GAP43: variants seen among roughly 807,000 people sequenced by gnomAD.
GAP43 encodes the protein neuromodulin.
Under a neutral mutation model 18.6 loss-of-function variants are expected in GAP43, and 6 were observed. That is an observed-to-expected ratio of 0.32 (90% CI 0.18 to 0.64). The LOEUF is 0.64. Among genes scored for constraint, GAP43 ranks in the 30% least tolerant of loss-of-function variants. The probability of loss-of-function intolerance (pLI) is 0.78; values close to 1 mark genes in which losing one functional copy is unlikely to be tolerated. For missense variants in GAP43, 292 were observed against 295.5 expected, an observed-to-expected ratio of 0.99 and a Z score of 0.09; for synonymous variants, 115 against 111.4, an observed-to-expected ratio of 1.03 and a Z score of -0.20.
intron 2 of GAP43, among the ~76,000 whole-genome samples, chr3:115,708,092 A>G (rs1709387964): frequency 6.6e-6 from 1 of 152,202 alleles, no homozygotes; most frequent in Non-Finnish European, 1.5e-5. Context: ...GGTACTTGGT[A>G]TTCACTGGTG....
At chr3:115,705,170 A>C (rs1227953112) in intron 2 of GAP43, among the ~76,000 whole-genome samples, 2 of 152,204 alleles carry the variant, frequency 1.3e-5, no homozygotes, top group African/African-American at 2.4e-5. Flanking sequence ...ATGACTCATA[A>C]ATGCAGTGCT....
intron 2 of GAP43, among the ~76,000 whole-genome samples, chr3:115,689,149 T>A (rs188348536): frequency 6.6e-6 from 1 of 152,198 alleles, no homozygotes; most frequent in East Asian, 1.9e-4. Context: ...CTCAGACAAG[T>A]CTTCCCTGAC....
At chr3:115,691,584 G>A (rs1709110791) in intron 2 of GAP43, among the ~76,000 whole-genome samples, 1 of 152,116 alleles carries the variant, frequency 6.6e-6, no homozygotes, top group Non-Finnish European at 1.5e-5. Flanking sequence ...AAGCTATTGG[G>A]GAACTTTCTT....
chr3:115,659,381 C>T (rs939256213), intron 1 of GAP43, among the ~76,000 whole-genome samples: 13 of 151,784 alleles, frequency 8.6e-5, no homozygotes, highest in African/African-American at 3.1e-4. Context: ...GTTTCTTTTT[C>T]GGGGGGGAGG....
chr3:115,709,738 G>T (rs1030244118), intron 2 of GAP43, among the ~76,000 whole-genome samples: 6 of 151,980 alleles, frequency 3.9e-5, no homozygotes, highest in African/African-American at 1.4e-4. Flanking sequence ...ATGAAAAAAG[G>T]TTATTACTGG....
chr3:115,686,052 T>C (rs1709028838), intron 2 of GAP43, among the ~76,000 whole-genome samples: 1 of 152,226 alleles, frequency 6.6e-6, no homozygotes, highest in Non-Finnish European at 1.5e-5. Flanking sequence ...ATGGTATAAA[T>C]ACTCCCATCC....
At chr3:115,679,751 C>T (rs1479307603) in intron 2 of GAP43, among the ~76,000 whole-genome samples, 1 of 152,140 alleles carries the variant, frequency 6.6e-6, no homozygotes, top group Non-Finnish European at 1.5e-5. Context: ...TGGTCATATT[C>T]AGTGATGTGG....
At chr3:115,634,104 A>G (rs986162764) in intron 1 of GAP43, among the ~76,000 whole-genome samples, 1 of 152,204 alleles carries the variant, frequency 6.6e-6, no homozygotes, top group African/African-American at 2.4e-5. Context: ...TTTTAAAATG[A>G]AAGTTGGGAA....
chr3:115,665,184 T>G (rs934015141), intron 1 of GAP43, among the ~76,000 whole-genome samples: 14 of 152,042 alleles, frequency 9.2e-5, no homozygotes, highest in Admixed American at 8.5e-4. Flanking sequence ...TTAAGAAAAA[T>G]CACTCAGCTC....
intron 2 of GAP43, among the ~76,000 whole-genome samples, chr3:115,697,321 A>G (rs1709207648): frequency 6.6e-6 from 1 of 152,200 alleles, no homozygotes; most frequent in Non-Finnish European, 1.5e-5. Context: ...TCATTCAATG[A>G]GTGAAGAAGA....
intron 1 of GAP43, among the ~76,000 whole-genome samples, chr3:115,662,229 C>T (rs916413147): frequency 1.3e-5 from 2 of 152,124 alleles, no homozygotes; most frequent in African/African-American, 4.8e-5. Context: ...TAGGTCCTCC[C>T]TGCATACCCA....
At chr3:115,631,890 G>A (rs945985390) in intron 1 of GAP43, among the ~76,000 whole-genome samples, 1 of 152,098 alleles carries the variant, frequency 6.6e-6, no homozygotes, top group African/African-American at 2.4e-5. Flanking sequence ...CAAAGTGTTG[G>A]GATTACAGGC....
chr3:115,708,088 T>G (rs1577001890), intron 2 of GAP43, among the ~76,000 whole-genome samples: 1 of 152,178 alleles, frequency 6.6e-6, no homozygotes, highest in Non-Finnish European at 1.5e-5. Context: ...TCTAGGTACT[T>G]GGTATTCACT....
At chr3:115,720,055 A>G (rs1292092530) in intron 2 of GAP43, among the ~76,000 whole-genome samples, 1 of 152,244 alleles carries the variant, frequency 6.6e-6, no homozygotes, top group Non-Finnish European at 1.5e-5. Context: ...ACTGAAAACT[A>G]TTATATTACA....
In GAP43 at chr3:115,720,895, G is replaced by A. The variant is rs373440453; in HGVS notation, c.*13G>A. 172 of 1,590,510 alleles carry A rather than the reference G, an allele frequency of 1.1e-4. No homozygotes were observed. Among genetic ancestry groups the A allele is most frequent in the Middle Eastern group, 1.7e-4 (1 of 6,010 alleles). On this transcript the variant is annotated 3_prime_UTR_variant, in exon 3 of 3. Coordinates refer to ENST00000305124, the MANE Select transcript of GAP43 (RefSeq NM_002045.4). The stretch of plus-strand genomic sequence containing the variant: ...AGAACATGCCTGAACTCTAAGAAAT[G>A]GCTTTCCACATCCCCACCCTCCCCT...
At chr3:115,691,495 G>A (rs892587726) in intron 2 of GAP43, among the ~76,000 whole-genome samples, 6 of 152,136 alleles carry the variant, frequency 3.9e-5, no homozygotes, top group Non-Finnish European at 8.8e-5. Context: ...ATGTGTAAAA[G>A]GTGTCTATTA....
At chr3:115,639,874 C>T (rs1327364492) in intron 1 of GAP43, among the ~76,000 whole-genome samples, 1 of 152,028 alleles carries the variant, frequency 6.6e-6, no homozygotes, top group African/African-American at 2.4e-5. Context: ...CCAATTAAAT[C>T]TGTTCCCTTT....
intron 1 of GAP43, among the ~76,000 whole-genome samples, chr3:115,669,278 T>A (rs188147289): frequency 7.4e-4 from 112 of 152,350 alleles, no homozygotes; most frequent in Non-Finnish European, 1.4e-3. Flanking sequence ...TGGGGAATCA[T>A]ATACCTGTTG....
intron 2 of GAP43, among the ~76,000 whole-genome samples, chr3:115,691,598 CT>C (rs1709111008): frequency 6.6e-6 from 1 of 152,134 alleles, no homozygotes; most frequent in Non-Finnish European, 1.5e-5. Flanking sequence ...CTTTCTTTTT[CT>C]TTGGTACTAC....
Sources: gnomAD v4.1 joint callset for allele counts (sites outside exome capture counted in the v4.1 genomes callset) on GRCh38, gnomAD v4.1.1 for gene constraint, MANE v1.5 for transcripts, NCBI Gene and HGNC (gene_info 2026-07-23, HGNC 2026-07-21) for gene names.